The following PTPRG variants were observed in gnomAD, a reference collection of about 807,000 sequenced individuals.
The protein encoded by PTPRG is receptor-type tyrosine-protein phosphatase gamma.
Under a neutral mutation model 165.3 loss-of-function variants are expected in PTPRG, and 102 were observed. The observed-to-expected ratio is 0.62, with a 90% CI of 0.53 to 0.73. The LOEUF (loss-of-function observed/expected upper bound fraction) is 0.73, where lower values mean the gene tolerates loss of function less well. Among genes scored for constraint, PTPRG ranks in the 30% least tolerant of loss-of-function variants. The pLI is 0.00. For synonymous variants in PTPRG, 675 were observed against 669.5 expected, an observed-to-expected ratio of 1.01 and a Z score of -0.13; for missense variants, 1,866 against 1,861.4, an observed-to-expected ratio of 1.00 and a Z score of -0.05.
intron 2 of PTPRG, among the ~76,000 whole-genome samples, chr3:61,982,353 T>C (rs574993478): frequency 1.4e-4 from 22 of 152,284 alleles, no homozygotes; most frequent in African/African-American, 5.3e-4. Context: ...CTAGTTAGGT[T>C]TGGGGTGAAT....
chr3:62,175,919 T>A (rs113504055), intron 8 of PTPRG, among the ~76,000 whole-genome samples: 11 of 152,106 alleles, frequency 7.2e-5, no homozygotes, highest in African/African-American at 2.2e-4. Flanking sequence ...GGAAGCAAGA[T>A]CAGAGAGAAG....
chr3:62,009,257 T>G (rs75495639), intron 4 of PTPRG, among the ~76,000 whole-genome samples: 2,064 of 152,294 alleles, frequency 0.014, 48 homozygotes, highest in African/African-American at 0.048. Flanking sequence ...ACAAGCAGGT[T>G]AAATCATGTG....
intron 1 of PTPRG, among the ~76,000 whole-genome samples, chr3:61,651,354 T>C (rs1702349041): frequency 1.9e-5 from 2 of 108,014 alleles, no homozygotes; most frequent in Non-Finnish European, 3.7e-5. Context: ...TTTTGTCCCA[T>C]TGTTAATAAT....
intron 2 of PTPRG, among the ~76,000 whole-genome samples, chr3:61,761,245 C>T (rs1169229090): frequency 1.3e-5 from 2 of 152,152 alleles, no homozygotes; most frequent in Admixed American, 6.6e-5. Context: ...TGTTTCTCTG[C>T]AGCCTCTCCA....
At chr3:61,761,708 G>T (rs1033090055) in intron 2 of PTPRG, among the ~76,000 whole-genome samples, 5 of 152,136 alleles carry the variant, frequency 3.3e-5, no homozygotes, top group Admixed American at 6.5e-5. Context: ...CCTTGGACAC[G>T]GGAAGCCACT....
In PTPRG at chr3:62,166,197, C is replaced by CTTTTTTTTTTTTTTTTTTTTT. The variant is rs564761041; in HGVS notation, c.841-1758_841-1738dup. Among the ~76,000 whole-genome samples the CTTTTTTTTTTTTTTTTTTTTT allele has an allele frequency of 1.3e-4, 7 of 53,932 alleles. 3 individuals are homozygous for CTTTTTTTTTTTTTTTTTTTTT. Among genetic ancestry groups the CTTTTTTTTTTTTTTTTTTTTT allele is most frequent in the Non-Finnish European group, 1.7e-4 (5 of 29,510 alleles). The allele number at this position is 53,932 out of a possible 152,430, so 35.4% of individuals were successfully genotyped here. Reference sequence around the variant, plus strand: ...TGGCTGCATATTTCAAATTACAGTTCTTTTTTTTTTTTTTTTTTTTTTTTT... The same window carrying CTTTTTTTTTTTTTTTTTTTTT: ...TGGCTGCATATTTCAAATTACAGTTCTTTTTTTTTTTTTTTTTTTTTTTTTTTTTTTTTTTTTTTTTTTTTT... On this transcript the variant is annotated intron_variant, in intron 7 of 29. Transcript: ENST00000474889.
intron 2 of PTPRG, among the ~76,000 whole-genome samples, chr3:61,935,720 G>A (rs1235699392): frequency 7.0e-6 from 1 of 142,584 alleles, no homozygotes; most frequent in African/African-American, 2.6e-5. Flanking sequence ...TGTAATTTCT[G>A]TATATTTGCA....
At chr3:61,655,208 G>T (rs950468248) in intron 1 of PTPRG, among the ~76,000 whole-genome samples, 2 of 152,152 alleles carry the variant, frequency 1.3e-5, no homozygotes, top group Admixed American at 1.3e-4. Flanking sequence ...GTTGTACAAG[G>T]GCACAGTGCT....
At chr3:61,947,004 A>T (rs1387943760) in intron 2 of PTPRG, among the ~76,000 whole-genome samples, 2 of 152,204 alleles carry the variant, frequency 1.3e-5, no homozygotes, top group East Asian at 3.8e-4. Context: ...TTTGGGGTTA[A>T]GTAAGGAAGA....
rs34088763 is a variant in PTPRG at position 61,665,982 on chromosome 3, C to CT, written c.86-82881dup. ...AATTCTAGCTCTTAACGCCTTTTTA[C>CT]TTTTTTTTTTTTTTTGGCCAAGTAA... is the stretch of plus-strand genomic sequence containing the variant. On this transcript the variant is annotated intron_variant, in intron 1 of 29. Transcript: ENST00000474889. 7.4e-4 allele frequency among the ~76,000 whole-genome samples: 104 copies of CT among 139,970 alleles called. No homozygotes were observed. The South Asian group carries it at 7.8e-3, about 11-fold the overall frequency. 91.8% of individuals were successfully genotyped at this position (139,970 alleles called of 152,430 possible). A position where few individuals can be genotyped will look rare whatever the true frequency, so the allele number is the denominator to read the frequency against.
intron 2 of PTPRG, among the ~76,000 whole-genome samples, chr3:61,947,840 T>C (rs1575813786): frequency 6.6e-6 from 1 of 152,184 alleles, no homozygotes; most frequent in Non-Finnish European, 1.5e-5. Flanking sequence ...ACTTGTCTAA[T>C]TGCCAAGTGT....
intron 15 of PTPRG, among the ~76,000 whole-genome samples, chr3:62,246,619 G>A (rs752037610): frequency 1.3e-5 from 2 of 152,090 alleles, no homozygotes; most frequent in African/African-American, 2.4e-5. Context: ...AAACTTGTGA[G>A]TTATTTTCAC....
chr3:61,894,275 C>A (rs2038290571), intron 2 of PTPRG, among the ~76,000 whole-genome samples: 1 of 128,900 alleles, frequency 7.8e-6, no homozygotes, highest in Non-Finnish European at 1.5e-5. Context: ...TCACTCCAGC[C>A]CGGGCAACAG....
At chr3:61,997,144 A>T (rs2041058472) in intron 3 of PTPRG, among the ~76,000 whole-genome samples, 1 of 152,154 alleles carries the variant, frequency 6.6e-6, no homozygotes, top group Non-Finnish European at 1.5e-5. Flanking sequence ...GCAGTTTGTC[A>T]TCTCTTGGAT....
chr3:61,634,400 G>C (rs1414707926), intron 1 of PTPRG, among the ~76,000 whole-genome samples: 1 of 151,936 alleles, frequency 6.6e-6, no homozygotes, highest in Non-Finnish European at 1.5e-5. Flanking sequence ...ACCACGCCCG[G>C]CTAATTTTTT....
At chr3:62,075,484 A>G (rs1000144848) in intron 4 of PTPRG, among the ~76,000 whole-genome samples, 17 of 152,216 alleles carry the variant, frequency 1.1e-4, no homozygotes, top group African/African-American at 3.1e-4. Context: ...AAGGCAACAC[A>G]TTTGTAAGAA....
intron 2 of PTPRG, among the ~76,000 whole-genome samples, chr3:61,789,805 A>G (rs569611947): frequency 6.6e-6 from 1 of 152,290 alleles, no homozygotes; most frequent in Admixed American, 6.5e-5. Flanking sequence ...TTGTTTCACG[A>G]GTTGATTGTT....
intron 13 of PTPRG, among the ~76,000 whole-genome samples, chr3:62,221,937 C>A (rs1700660197): frequency 6.6e-6 from 1 of 152,328 alleles, no homozygotes; most frequent in South Asian, 2.1e-4. Context: ...TTCAGTGAGT[C>A]CTTTTGAGTG....
Position 62,085,928 on chromosome 3 carries a change from T to C in PTPRG, c.615+7670T>C, listed in dbSNP as rs12497572. Among the ~76,000 whole-genome samples, 1,000 of 152,334 alleles carry C rather than the reference T, an allele frequency of 6.6e-3. 41 individuals carry two copies. The highest frequency in any genetic ancestry group is 0.058 in the Admixed American group (893 of 15,290). ...GTTTTCAGAAGGGCCTTAAAATTCTTTCTTCAAAAGTAGCTTCATTTTATC... is the reference window on the plus strand; with the variant it reads ...GTTTTCAGAAGGGCCTTAAAATTCTCTCTTCAAAAGTAGCTTCATTTTATC... On this transcript the variant is annotated intron_variant, in intron 5 of 29. Transcript: ENST00000474889.
Sources: gnomAD v4.1 joint callset for allele counts (sites outside exome capture counted in the v4.1 genomes callset) on GRCh38, gnomAD v4.1.1 for gene constraint, MANE v1.5 for transcripts, NCBI Gene and HGNC (gene_info 2026-07-23, HGNC 2026-07-21) for gene names.